Variants in MC2R observed in about 807,000 individuals in gnomAD.
MC2R encodes the protein melanocortin 2 receptor, also known as adrenocorticotropic hormone receptor.
In MC2R, 9 loss-of-function variants were observed where a neutral mutation model predicts 9.8. The observed-to-expected ratio is 0.92, with a 90% CI of 0.55 to 1.60. The LOEUF is 1.60. Ranked by LOEUF, MC2R falls within the 40% of genes most tolerant of loss-of-function variation. The probability of loss-of-function intolerance (pLI) is 0.00; values close to 1 mark genes in which losing one functional copy is unlikely to be tolerated. For synonymous variants in MC2R, 185 were observed against 154.7 expected, an observed-to-expected ratio of 1.20 and a Z score of -1.45; for missense variants, 370 against 389.0, an observed-to-expected ratio of 0.95 and a Z score of 0.41.
At chr18:13,896,560 T>G (rs1372012362) in intron 1 of MC2R, among the ~76,000 whole-genome samples, 2 of 152,238 alleles carry the variant, frequency 1.3e-5, no homozygotes, top group Non-Finnish European at 2.9e-5. Context: ...AATAAGCATC[T>G]ATGATTTATT....
intron 1 of MC2R, among the ~76,000 whole-genome samples, chr18:13,906,022 T>C (rs1034495688): frequency 6.6e-6 from 1 of 152,124 alleles, no homozygotes; most frequent in African/African-American, 2.4e-5. Flanking sequence ...TGCAGTGAGC[T>C]GAGATTGTGC....
intron 1 of MC2R, among the ~76,000 whole-genome samples, chr18:13,911,032 A>T (rs957079747): frequency 6.6e-6 from 1 of 152,254 alleles, no homozygotes; most frequent in Admixed American, 6.5e-5. Context: ...TATGATTTAT[A>T]AAAAGCAGTC....
chr18:13,892,584 A>G (rs2045321644), intron 1 of MC2R, among the ~76,000 whole-genome samples: 1 of 152,142 alleles, frequency 6.6e-6, no homozygotes. Context: ...TGGCTTGAAC[A>G]GCGTAGAACA....
intron 1 of MC2R, among the ~76,000 whole-genome samples, chr18:13,898,538 G>A (rs2045360042): frequency 6.6e-6 from 1 of 152,212 alleles, no homozygotes; most frequent in African/African-American, 2.4e-5. Flanking sequence ...ACAGGCGGTA[G>A]CCAGGGAGTG....
At chr18:13,908,658 A>G (rs1486535197) in intron 1 of MC2R, among the ~76,000 whole-genome samples, 2 of 151,112 alleles carry the variant, frequency 1.3e-5, no homozygotes, top group Non-Finnish European at 2.9e-5. Context: ...TTAAAACTAC[A>G]TACATATACC....
intron 1 of MC2R, among the ~76,000 whole-genome samples, chr18:13,890,766 T>C (rs1462034816): frequency 6.6e-6 from 1 of 152,184 alleles, no homozygotes; most frequent in Non-Finnish European, 1.5e-5. Context: ...TATCCAACGG[T>C]CCCATCGCCA....
Position 13,884,456 on chromosome 18 carries a change from G to C in MC2R, c.*169C>G. 1 of 736,152 alleles carries C rather than the reference G, an allele frequency of 1.4e-6. No individual in the cohort carries two copies. Among genetic ancestry groups the C allele is most frequent in the Non-Finnish European group, 2.4e-6 (1 of 423,602 alleles). The allele number at this position is 736,152 out of a possible 1,614,324, so 45.6% of individuals were successfully genotyped here. ...AGTTAAGAGGTTGCCCCTACAATAA[G>C]ACTGTTCACATAGAACCTAGCTATT... On this transcript the variant is annotated 3_prime_UTR_variant, in exon 2 of 2. Transcript: ENST00000327606.
At chr18:13,894,834 T>C (rs1447393978) in intron 1 of MC2R, among the ~76,000 whole-genome samples, 1 of 152,334 alleles carries the variant, frequency 6.6e-6, no homozygotes. Context: ...GTCTAAATCA[T>C]ATATTTGTTT....
intron 1 of MC2R, among the ~76,000 whole-genome samples, chr18:13,888,997 A>C (rs1320393839): frequency 6.6e-6 from 1 of 152,124 alleles, no homozygotes; most frequent in African/African-American, 2.4e-5. Context: ...ACAGGTCTAG[A>C]GCCCTTCCAC....
chr18:13,884,614 G>C lies in MC2R; in HGVS notation c.*11C>G. ...TATTCCCATGGATTCTAAAACCAGG[G>C]ATCAGCCATTCTACCAGTACCTGCT... On this transcript the variant is annotated 3_prime_UTR_variant, in exon 2 of 2. Coordinates refer to ENST00000327606, the MANE Select transcript of MC2R (RefSeq NM_000529.2). The C allele has an allele frequency of 6.2e-7, 1 of 1,611,166 alleles. No homozygotes were observed. Among genetic ancestry groups the C allele is most frequent in the Non-Finnish European group, 8.5e-7 (1 of 1,179,954 alleles).
At chr18:13,892,681 T>G (rs2045322234) in intron 1 of MC2R, among the ~76,000 whole-genome samples, 1 of 152,146 alleles carries the variant, frequency 6.6e-6, no homozygotes, top group South Asian at 2.1e-4. Context: ...CCAAATGTCT[T>G]GACACCCCAT....
chr18:13,887,218 C>G (rs924489908), intron 1 of MC2R, among the ~76,000 whole-genome samples: 1 of 121,804 alleles, frequency 8.2e-6, no homozygotes, highest in Non-Finnish European at 1.8e-5. Flanking sequence ...GGGGAAGCCT[C>G]GGGGATGGGA....
Position 13,883,664 on chromosome 18 carries a change from CTCTG to C in MC2R, c.*957_*960del, listed in dbSNP as rs1397438916. The C allele has an allele frequency of 5.3e-5, 8 of 152,040 alleles. No individual in the cohort carries two copies. Among genetic ancestry groups the C allele is most frequent in the African/African-American group, 1.4e-4 (6 of 41,420 alleles). The allele number at this position is 152,040 out of a possible 1,614,324, so 9.4% of individuals were successfully genotyped here. ...TCTCTCTCTCTCTCTCTCTGTCTGTCTCTGTCTCTCTCTCTTTATTTCTTAAAAT... is the reference window on the plus strand; with the variant it reads ...TCTCTCTCTCTCTCTCTCTGTCTGTCTCTCTCTCTCTTTATTTCTTAAAAT... On this transcript the variant is annotated 3_prime_UTR_variant, in exon 2 of 2. Coordinates refer to ENST00000327606, the MANE Select transcript of MC2R (RefSeq NM_000529.2).
intron 1 of MC2R, among the ~76,000 whole-genome samples, chr18:13,891,944 C>A (rs186485802): frequency 5.1e-4 from 78 of 152,198 alleles, no homozygotes; most frequent in African/African-American, 1.9e-3. Context: ...AACTAAGCAG[C>A]AAAATAAGCT....
intron 1 of MC2R, among the ~76,000 whole-genome samples, chr18:13,911,676 G>A (rs13381193): frequency 0.089 from 13,484 of 152,100 alleles, 1,973 homozygotes; most frequent in African/African-American, 0.3. Flanking sequence ...CTGGCTTTGC[G>A]CCATCTATGA....
At chr18:13,890,205 A>G (rs1177746563) in intron 1 of MC2R, among the ~76,000 whole-genome samples, 1 of 152,198 alleles carries the variant, frequency 6.6e-6, no homozygotes, top group Non-Finnish European at 1.5e-5. Flanking sequence ...TGGTTTAGGA[A>G]GGGAGTTAAT....
chr18:13,884,595 C>A lies in MC2R; in HGVS notation c.*30G>T. 6.2e-7 allele frequency: 1 copy of A among 1,608,704 alleles called. No homozygotes were observed. The highest frequency in any genetic ancestry group is 1.1e-5 in the South Asian group (1 of 90,962). Reference sequence around the variant, plus strand: ...TTCTGGCACTTGGCAACGTTATTCCCATGGATTCTAAAACCAGGGATCAGC... The same window carrying A: ...TTCTGGCACTTGGCAACGTTATTCCAATGGATTCTAAAACCAGGGATCAGC... On this transcript the variant is annotated 3_prime_UTR_variant, in exon 2 of 2. Coordinates refer to ENST00000327606, the MANE Select transcript of MC2R (RefSeq NM_000529.2).
chr18:13,886,772 C>G (rs2045278958), intron 1 of MC2R, among the ~76,000 whole-genome samples: 1 of 152,080 alleles, frequency 6.6e-6, no homozygotes, highest in Admixed American at 6.5e-5. Flanking sequence ...CACCACGTGG[C>G]GAGGAAGACA....
intron 1 of MC2R, among the ~76,000 whole-genome samples, chr18:13,903,203 T>C (rs777386563): frequency 6.6e-6 from 1 of 152,170 alleles, no homozygotes; most frequent in Non-Finnish European, 1.5e-5. Flanking sequence ...CAAATGCTGG[T>C]AAGGATGTGG....
Sources: gnomAD v4.1 joint callset for allele counts (sites outside exome capture counted in the v4.1 genomes callset) on GRCh38, gnomAD v4.1.1 for gene constraint, MANE v1.5 for transcripts, NCBI Gene and HGNC (gene_info 2026-07-23, HGNC 2026-07-21) for gene names.